The following TRAPPC9 variants were observed in gnomAD, a reference collection of about 807,000 sequenced individuals.
The protein encoded by TRAPPC9 is IKK2 binding protein.
In TRAPPC9, 83 loss-of-function variants were observed where a neutral mutation model predicts 124.0. The observed-to-expected ratio is 0.67, with a 90% CI of 0.56 to 0.80. The LOEUF (loss-of-function observed/expected upper bound fraction) is 0.80, where lower values mean the gene tolerates loss of function less well. Among genes scored for constraint, TRAPPC9 ranks in the 30% least tolerant of loss-of-function variants. TRAPPC9 has a pLI of 0.00. For missense variants in TRAPPC9, 1,302 were observed against 1,508.3 expected (o/e 0.86, Z 2.27); for synonymous variants, 638 against 617.5 (o/e 1.03, Z -0.49).
chr8:140,230,989 C>T lies in TRAPPC9; in HGVS notation c.2432-9406G>A, dbSNP rs187873697. ...ACAGGAAGTCAGACTTGGATCTGGGCGCTTACAACAGTGACCTGCACTGAC... is the reference window on the plus strand; with the variant it reads ...ACAGGAAGTCAGACTTGGATCTGGGTGCTTACAACAGTGACCTGCACTGAC... On this transcript the variant is annotated intron_variant, in intron 16 of 22. Coordinates refer to ENST00000438773, the MANE Select transcript of TRAPPC9 (RefSeq NM_001160372.4). 9.2e-5 allele frequency among the ~76,000 whole-genome samples: 14 copies of T among 152,202 alleles called. No homozygotes were observed. The East Asian group carries it at 1.9e-3, about 21-fold the overall frequency.
intron 6 of TRAPPC9, among the ~76,000 whole-genome samples, chr8:140,402,626 A>T (rs2069318211): frequency 1.3e-5 from 2 of 150,720 alleles, no homozygotes; most frequent in Admixed American, 1.3e-4. Flanking sequence ...AACCTGGGAG[A>T]TAAAGGCTGC....
At chr8:139,828,131 C>T (rs1825758640) in intron 21 of TRAPPC9, among the ~76,000 whole-genome samples, 1 of 132,232 alleles carries the variant, frequency 7.6e-6, no homozygotes, top group Non-Finnish European at 1.7e-5. Flanking sequence ...CCAACTACAG[C>T]AAGCTTCCCC....
chr8:140,106,484 G>A (rs558948259), intron 17 of TRAPPC9, among the ~76,000 whole-genome samples: 5 of 152,316 alleles, frequency 3.3e-5, no homozygotes, highest in South Asian at 2.1e-4. Flanking sequence ...CAAGATGCCC[G>A]CAGGGTGAGT....
At chr8:140,202,351 A>T (rs1284947235) in intron 17 of TRAPPC9, among the ~76,000 whole-genome samples, 1 of 152,168 alleles carries the variant, frequency 6.6e-6, no homozygotes, top group Non-Finnish European at 1.5e-5. Context: ...AAGGGAAATA[A>T]AACCCAACTT....
At chr8:140,432,846 T>C (rs1303745704) in intron 4 of TRAPPC9, among the ~76,000 whole-genome samples, 1 of 150,958 alleles carries the variant, frequency 6.6e-6, no homozygotes, top group Non-Finnish European at 1.5e-5. Flanking sequence ...CACTCCAGCC[T>C]GGGCAACAGA....
chr8:139,781,847 CAG>C (rs1202243820), intron 21 of TRAPPC9, among the ~76,000 whole-genome samples: 1 of 151,980 alleles, frequency 6.6e-6, no homozygotes, highest in Non-Finnish European at 1.5e-5. Context: ...TAAAAGTACT[CAG>C]TGAATCCAAA....
At chr8:139,738,447 G>A (rs1452028500) in intron 21 of TRAPPC9, among the ~76,000 whole-genome samples, 2 of 152,226 alleles carry the variant, frequency 1.3e-5, no homozygotes, top group Non-Finnish European at 2.9e-5. Context: ...AAAGGGAGAA[G>A]ACCCTGGGCC....
intron 21 of TRAPPC9, among the ~76,000 whole-genome samples, chr8:139,850,051 C>T (rs2130925739): frequency 6.6e-6 from 1 of 152,296 alleles, no homozygotes; most frequent in Middle Eastern, 3.4e-3. Flanking sequence ...CACTTGAGCC[C>T]AACCCTGCAT....
chr8:140,450,062 A>T (rs765168858), intron 2 of TRAPPC9, among the ~76,000 whole-genome samples: 21 of 152,262 alleles, frequency 1.4e-4, no homozygotes, highest in Non-Finnish European at 2.5e-4. Context: ...TGTATAAAAC[A>T]TATTAGCAAG....
chr8:140,275,359 G>T (rs1390163949), intron 15 of TRAPPC9, among the ~76,000 whole-genome samples: 2 of 152,212 alleles, frequency 1.3e-5, no homozygotes, highest in African/African-American at 2.4e-5. Context: ...CTGAGTAGCT[G>T]ATGGATGCTG....
intron 15 of TRAPPC9, among the ~76,000 whole-genome samples, chr8:140,260,222 T>C (rs759811137): frequency 1.3e-5 from 2 of 152,094 alleles, no homozygotes; most frequent in Non-Finnish European, 2.9e-5. Context: ...CAATTTAGTA[T>C]AGAGAGAAGC....
chr8:140,240,713 T>C (rs2063838120), intron 16 of TRAPPC9, among the ~76,000 whole-genome samples: 2 of 152,130 alleles, frequency 1.3e-5, no homozygotes, highest in South Asian at 4.2e-4. Context: ...CAGCTCATTT[T>C]GCTTAATTTT....
intron 9 of TRAPPC9, among the ~76,000 whole-genome samples, chr8:140,350,294 G>T (rs972835346): frequency 6.6e-6 from 1 of 152,204 alleles, no homozygotes; most frequent in Admixed American, 6.5e-5. Flanking sequence ...CTCCATCAAG[G>T]TGACTTTGAT....
intron 16 of TRAPPC9, among the ~76,000 whole-genome samples, chr8:140,242,092 G>A (rs922578214): frequency 9.9e-5 from 15 of 151,868 alleles, no homozygotes; most frequent in African/African-American, 3.4e-4. Context: ...TTTCACAAAG[G>A]CCAGGGTACG....
chr8:140,249,999 T>C (rs1294768595), intron 16 of TRAPPC9, among the ~76,000 whole-genome samples: 1 of 152,212 alleles, frequency 6.6e-6, no homozygotes, highest in Non-Finnish European at 1.5e-5. Flanking sequence ...CTCGATATAT[T>C]TGTCATTGAT....
At chr8:139,838,736 G>T (rs1377264390) in intron 21 of TRAPPC9, among the ~76,000 whole-genome samples, 1 of 152,218 alleles carries the variant, frequency 6.6e-6, no homozygotes, top group African/African-American at 2.4e-5. Context: ...GAACACTCTT[G>T]ACCGCATCAA....
At chr8:139,731,485 G>A (rs1817820963) in intron 22 of TRAPPC9, among the ~76,000 whole-genome samples, 1 of 152,186 alleles carries the variant, frequency 6.6e-6, no homozygotes, top group Non-Finnish European at 1.5e-5. Flanking sequence ...GGTCAGGAGT[G>A]TGGGAGGGAG....
intron 15 of TRAPPC9, among the ~76,000 whole-genome samples, chr8:140,268,933 T>C (rs906369136): frequency 3.3e-5 from 5 of 151,992 alleles, no homozygotes; most frequent in Non-Finnish European, 5.9e-5. Flanking sequence ...ACATCAACGC[T>C]TGGAAGTGCT....
intron 17 of TRAPPC9, among the ~76,000 whole-genome samples, chr8:140,030,139 T>C (rs1044502410): frequency 6.6e-6 from 1 of 152,206 alleles, no homozygotes; most frequent in African/African-American, 2.4e-5. Context: ...AGGAACATCC[T>C]CATTCTATGA....
Sources: gnomAD v4.1 joint callset for allele counts (sites outside exome capture counted in the v4.1 genomes callset) on GRCh38, gnomAD v4.1.1 for gene constraint, MANE v1.5 for transcripts, NCBI Gene and HGNC (gene_info 2026-07-23, HGNC 2026-07-21) for gene names.